ZPBP: variants seen among roughly 807,000 people sequenced by gnomAD.
ZPBP encodes zona pellucida binding protein.
A neutral mutation model predicts 44.8 loss-of-function variants in ZPBP; 26 were observed. The ratio of observed to expected loss-of-function variants is 0.58; its 90% CI spans 0.43 to 0.81. The LOEUF (loss-of-function observed/expected upper bound fraction) is 0.81. Among genes scored for constraint, ZPBP ranks in the 30% least tolerant of loss-of-function variants. The pLI is 0.00. For missense variants in ZPBP, 409 were observed against 434.0 expected (o/e 0.94, Z 0.51); for synonymous variants, 174 against 153.2 (o/e 1.14, Z -1.00).
chr7:49,981,457 AAT>A (rs1172760350), intron 7 of ZPBP, among the ~76,000 whole-genome samples: 1 of 17,342 alleles, frequency 5.8e-5, no homozygotes, highest in Non-Finnish European at 8.1e-5. Context: ...ATGTACATAT[AAT>A]AATATATATA....
intron 3 of ZPBP, among the ~76,000 whole-genome samples, chr7:50,059,177 C>A (rs1801123416): frequency 6.6e-6 from 1 of 152,126 alleles, no homozygotes; most frequent in South Asian, 2.1e-4. Flanking sequence ...TAACTGTCTA[C>A]CTTTTTCTAT....
intron 7 of ZPBP, among the ~76,000 whole-genome samples, chr7:49,980,754 C>T (rs2128777869): frequency 6.6e-6 from 1 of 152,190 alleles, no homozygotes; most frequent in South Asian, 2.1e-4. Flanking sequence ...GAACCTCTCC[C>T]ACTACGCCTT....
intron 3 of ZPBP, among the ~76,000 whole-genome samples, chr7:50,072,161 G>A (rs1293831776): frequency 6.6e-6 from 1 of 152,224 alleles, no homozygotes; most frequent in African/African-American, 2.4e-5. Flanking sequence ...TGAAGGGTAA[G>A]TCCCAGGCCA....
At chr7:49,965,719 G>A (rs941519046) in intron 7 of ZPBP, among the ~76,000 whole-genome samples, 2 of 151,894 alleles carry the variant, frequency 1.3e-5, no homozygotes, top group Admixed American at 6.6e-5. Context: ...AAACTAAAAC[G>A]GATGTCTACA....
chr7:50,031,363 A>G, intron 4 of ZPBP, 53 bp from the exon 5 acceptor site: 1 of 1,240,286 alleles, frequency 8.1e-7, no homozygotes, highest in Non-Finnish European at 1.1e-6. Context: ...AAATAATTCA[A>G]ACATATTGCA....
rs145409142 is a variant in ZPBP, at chr7:50,065,855, A to G, written c.335-7714T>C. Among the ~76,000 whole-genome samples the G allele has an allele frequency of 8.3e-3, 1,249 of 150,920 alleles. 51 individuals are homozygous for G. The highest frequency in any genetic ancestry group is 0.069 in the South Asian group (330 of 4,792). ...AGTCTTTTTGACAATTAGTAGTGGA[A>G]CTCCAAGGCCTGTTCCTTTTAACTT... On this transcript the variant is annotated intron_variant, in intron 3 of 7. Coordinates refer to ENST00000046087, the MANE Select transcript of ZPBP (RefSeq NM_007009.3).
chr7:49,859,452 T>A (rs920622432), intron 2 of ZPBP, among the ~76,000 whole-genome samples: 6 of 152,202 alleles, frequency 3.9e-5, no homozygotes, highest in African/African-American at 1.4e-4. Flanking sequence ...ATGATACTGA[T>A]TTTTGTGTGT....
chr7:50,037,567 T>A (rs1218373952), intron 4 of ZPBP, among the ~76,000 whole-genome samples: 1 of 152,048 alleles, frequency 6.6e-6, no homozygotes, highest in African/African-American at 2.4e-5. Flanking sequence ...AAAGAAGTGC[T>A]ACACACTTTC....
chr7:49,910,417 T>C (rs1453227334), intron 1 of ZPBP, among the ~76,000 whole-genome samples: 1 of 152,190 alleles, frequency 6.6e-6, no homozygotes, highest in East Asian at 1.9e-4. Context: ...TTATCAAAGA[T>C]ATTAGAAGCA....
At chr7:49,847,110 A>G (rs1167706745), downstream of ZPBP, among the ~76,000 whole-genome samples, 4 of 152,082 alleles carry the variant, frequency 2.6e-5, no homozygotes, top group South Asian at 2.1e-4. Flanking sequence ...AGCTGTAGAG[A>G]GGGACTTGTG....
intron 1 of ZPBP, among the ~76,000 whole-genome samples, chr7:49,903,988 G>C (rs752247423): frequency 7.9e-5 from 12 of 152,132 alleles, no homozygotes; most frequent in Non-Finnish European, 1.3e-4. Context: ...ACATAGCATG[G>C]GGGAAGGCTG....
intron 4 of ZPBP, among the ~76,000 whole-genome samples, chr7:50,045,735 A>G (rs1336762187): frequency 1.3e-5 from 2 of 152,262 alleles, no homozygotes; most frequent in Non-Finnish European, 2.9e-5. Flanking sequence ...AGTCATTTAT[A>G]GATTCAATGC....
At chr7:49,871,908 AACACACACACACACACAC>A (rs72332840) in intron 2 of ZPBP, among the ~76,000 whole-genome samples, 88 of 87,918 alleles carry the variant, frequency 1.0e-3, no homozygotes, top group African/African-American at 1.1e-3. Context: ...TGTGTATATA[AACACACACACACACACAC>A]ACACACACAC....
At chr7:49,898,632 A>G (rs999120584) in intron 2 of ZPBP, among the ~76,000 whole-genome samples, 2 of 152,112 alleles carry the variant, frequency 1.3e-5, no homozygotes, top group Non-Finnish European at 2.9e-5. Flanking sequence ...TATGTAAAAT[A>G]TATGTAAAAT....
chr7:50,063,360 C>T (rs76391516), intron 3 of ZPBP, among the ~76,000 whole-genome samples: 1 of 152,198 alleles, frequency 6.6e-6, no homozygotes, highest in Admixed American at 6.5e-5. Context: ...CAAAGATGTT[C>T]ATAGAAAGCA....
rs1476089617 is a variant in ZPBP at position 50,035,299 on chromosome 7, A to G, written c.488-3989T>C. 7.9e-5 allele frequency among the ~76,000 whole-genome samples: 12 copies of G among 152,304 alleles called. No homozygotes were observed. In the East Asian group the frequency reaches 2.3e-3, roughly 29 times the overall value. On this transcript the variant is annotated intron_variant, in intron 4 of 7. Transcript: ENST00000046087. ...ACTTCTGCCACTTTCTCCCTTGTTA[A>G]CCTGGCTTTTGTTTTCAGCAGTGTC...
At chr7:49,983,279 G>A (rs1797109020) in intron 7 of ZPBP, 63 bp downstream of exon 7, 1 of 1,464,662 alleles carries the variant, frequency 6.8e-7, no homozygotes, top group South Asian at 1.2e-5. Context: ...CATTCACTTA[G>A]GCTTAATGAA....
intron 1 of ZPBP, chr7:49,918,171 C>T (rs1793824098): frequency 6.6e-6 from 1 of 152,134 alleles, no homozygotes; most frequent in Non-Finnish European, 1.5e-5. Flanking sequence ...TAATGCTATC[C>T]CCTTTGTTGC....
At chr7:49,866,570 G>GAAA (rs1477036735) in intron 2 of ZPBP, among the ~76,000 whole-genome samples, 121 of 152,322 alleles carry the variant, frequency 7.9e-4, no homozygotes, top group African/African-American at 2.7e-3. Flanking sequence ...GCTTGCCCAT[G>GAAA]TGACTCAGAA....
Sources: allele counts gnomAD v4.1 joint callset (sites outside exome capture counted in the v4.1 genomes callset), GRCh38; gene constraint gnomAD v4.1.1; transcripts MANE v1.5; gene names NCBI Gene and HGNC (gene_info 2026-07-23, HGNC 2026-07-21).